The following GPR158 variants were observed in gnomAD, a reference collection of about 807,000 sequenced individuals.
The protein encoded by GPR158 is metabotropic glycine receptor.
A neutral mutation model predicts 78.2 loss-of-function variants in GPR158; 30 were observed. That is an observed-to-expected ratio of 0.38 (90% CI 0.29 to 0.52). The LOEUF (loss-of-function observed/expected upper bound fraction) is 0.52. Among genes scored for constraint, GPR158 ranks in the 20% least tolerant of loss-of-function variants. GPR158 has a pLI of 0.83. For synonymous variants in GPR158, 581 were observed against 591.1 expected (o/e 0.98, Z 0.25); for missense variants, 1,463 against 1,523.5 (o/e 0.96, Z 0.66).
Position 25,204,377 on chromosome 10 carries a change from A to T in GPR158, c.903-16675A>T, listed in dbSNP as rs544139667. On this transcript the variant is annotated intron_variant, in intron 1 of 10. Transcript: ENST00000376351. ...CCAGTTTTTGCCCATTCAGTATGATATTGGCTGTGGGTTTGTCATAAATAG... is the reference window on the plus strand; with the variant it reads ...CCAGTTTTTGCCCATTCAGTATGATTTTGGCTGTGGGTTTGTCATAAATAG... Among the ~76,000 whole-genome samples the T allele has an allele frequency of 1.6e-4, 24 of 152,294 alleles. No homozygotes were observed. The South Asian group carries it at 4.6e-3, about 29-fold the overall frequency.
chr10:25,427,673 C>A (rs1465132133), intron 4 of GPR158, among the ~76,000 whole-genome samples: 1 of 151,964 alleles, frequency 6.6e-6, no homozygotes, highest in African/African-American at 2.4e-5. Context: ...GAAGTACTTG[C>A]ATTCTTTAGT....
intron 2 of GPR158, among the ~76,000 whole-genome samples, chr10:25,328,819 T>C (rs1855073660): frequency 6.8e-6 from 1 of 147,680 alleles, no homozygotes; most frequent in African/African-American, 2.5e-5. Context: ...CCCAGATGAT[T>C]GGGCAGCTGA....
intron 2 of GPR158, among the ~76,000 whole-genome samples, chr10:25,391,324 G>A (rs1158390212): frequency 6.6e-6 from 1 of 152,132 alleles, no homozygotes; most frequent in Admixed American, 6.5e-5. Flanking sequence ...TCCACCAACA[G>A]CTAGCACTGT....
rs370607105 is a variant in GPR158 at position 25,352,894 on chromosome 10, C to T, written c.1009-43017C>T. On this transcript the variant is annotated intron_variant, in intron 2 of 10. Transcript: ENST00000376351. ...TAGTATTCAGCATGGTCATTTTAAC[C>T]ATATAACACAATTAAATATATGCTC... 7.9e-5 allele frequency among the ~76,000 whole-genome samples: 12 copies of T among 151,854 alleles called. No homozygotes were observed. The South Asian group carries it at 2.3e-3, about 29-fold the overall frequency.
intron 2 of GPR158, among the ~76,000 whole-genome samples, chr10:25,365,021 G>A (rs4450086): frequency 0.14 from 21,475 of 151,486 alleles, 1,847 homozygotes; most frequent in African/African-American, 0.24. Context: ...GTAAAACTAT[G>A]TTTTCCTAAA....
chr10:25,427,333 T>C (rs1179719464), intron 4 of GPR158, among the ~76,000 whole-genome samples: 2 of 152,088 alleles, frequency 1.3e-5, no homozygotes, highest in African/African-American at 4.8e-5. Context: ...CCTCTTTTAC[T>C]CCTACCTCTT....
chr10:25,191,819 T>C (rs951966457), intron 1 of GPR158, among the ~76,000 whole-genome samples: 2 of 152,156 alleles, frequency 1.3e-5, no homozygotes, highest in African/African-American at 2.4e-5. Context: ...AGCCTTGGAA[T>C]GAGAAATCAC....
intron 1 of GPR158, among the ~76,000 whole-genome samples, chr10:25,214,151 C>T (rs540517624): frequency 2.4e-4 from 37 of 152,040 alleles, no homozygotes; most frequent in African/African-American, 8.2e-4. Context: ...CCCGACACCA[C>T]GCCCCGCTAA....
intron 5 of GPR158, among the ~76,000 whole-genome samples, chr10:25,502,468 A>G (rs1454241577): frequency 1.3e-5 from 2 of 152,158 alleles, no homozygotes; most frequent in African/African-American, 2.4e-5. Context: ...GGAAACAGCA[A>G]TGTGAGTAAG....
chr10:25,208,055 A>G (rs1352627046), intron 1 of GPR158, among the ~76,000 whole-genome samples: 1 of 152,186 alleles, frequency 6.6e-6, no homozygotes, highest in East Asian at 1.9e-4. Context: ...CGACCTAAAC[A>G]CTTGTAGGAG....
intron 2 of GPR158, among the ~76,000 whole-genome samples, chr10:25,392,664 G>GTT (rs397845562): frequency 6.7e-6 from 1 of 149,642 alleles, no homozygotes; most frequent in Admixed American, 6.7e-5. Context: ...TATATTTACA[G>GTT]TTTTTTTTTT....
chr10:25,198,433 A>G (rs1372991777), intron 1 of GPR158, among the ~76,000 whole-genome samples: 1 of 152,106 alleles, frequency 6.6e-6, no homozygotes, highest in Non-Finnish European at 1.5e-5. Flanking sequence ...ATTCTCTTAT[A>G]TGTTTTAGAG....
intron 2 of GPR158, among the ~76,000 whole-genome samples, chr10:25,247,283 T>C (rs1444438321): frequency 6.6e-6 from 1 of 151,484 alleles, no homozygotes; most frequent in Non-Finnish European, 1.5e-5. Flanking sequence ...CAACCTATCA[T>C]GGTTTTAAAA....
intron 2 of GPR158, among the ~76,000 whole-genome samples, chr10:25,376,300 G>C (rs547550169): frequency 6.6e-6 from 1 of 151,376 alleles, no homozygotes; most frequent in African/African-American, 2.4e-5. Context: ...GCTTTTAGGC[G>C]TGTTTCTTTT....
At chr10:25,234,650 C>A (rs1170325970) in intron 2 of GPR158, among the ~76,000 whole-genome samples, 2 of 152,156 alleles carry the variant, frequency 1.3e-5, no homozygotes, top group African/African-American at 4.8e-5. Flanking sequence ...ATATAGAATT[C>A]TGCAGCCCTA....
rs1351662476 is a variant in GPR158, at chr10:25,175,211, G to A, written c.-210G>A. The A allele has an allele frequency of 4.1e-6, 2 of 493,404 alleles. No individual in the cohort carries two copies. Among genetic ancestry groups the A allele is most frequent in the East Asian group, 6.6e-5 (2 of 30,432 alleles). 30.6% of individuals were successfully genotyped at this position (493,404 alleles called of 1,614,324 possible). ...CCCTCGCGCAGCGGGCACGGCCAGC[G>A]CTGCCACAGGTGACTTGATTTCTGC... On this transcript the variant is annotated 5_prime_UTR_variant, in exon 1 of 11. Coordinates refer to ENST00000376351, the MANE Select transcript of GPR158 (RefSeq NM_020752.3). This position sits in a 1 kb window ranked among gnomAD's most constrained non-coding sequence, Gnocchi z 6.4.
chr10:25,261,261 T>C (rs1322801604), intron 2 of GPR158, among the ~76,000 whole-genome samples: 5 of 152,152 alleles, frequency 3.3e-5, no homozygotes, highest in African/African-American at 1.2e-4. Flanking sequence ...TCTATTCGAG[T>C]TCACCTGCCT....
intron 2 of GPR158, among the ~76,000 whole-genome samples, chr10:25,331,003 CA>C (rs1394748466): frequency 6.6e-6 from 1 of 152,080 alleles, no homozygotes; most frequent in African/African-American, 2.4e-5. Flanking sequence ...CAAGCAGTGC[CA>C]TCAGAGCTTA....
intron 4 of GPR158, among the ~76,000 whole-genome samples, chr10:25,427,534 A>C (rs2130570472): frequency 6.6e-6 from 1 of 152,196 alleles, no homozygotes; most frequent in East Asian, 1.9e-4. Context: ...ACTGATATAG[A>C]AACACCACTG....
Sources: gnomAD v4.1 joint callset for allele counts (sites outside exome capture counted in the v4.1 genomes callset) on GRCh38, gnomAD v4.1.1 for gene constraint, Gnocchi (gnomAD v3.1) non-coding constraint, MANE v1.5 for transcripts, NCBI Gene and HGNC (gene_info 2026-07-23, HGNC 2026-07-21) for gene names.